Variants in SLC45A4 observed in about 807,000 individuals in gnomAD.
SLC45A4 encodes solute carrier family 45 member 4, also known as polyamine-transporter SLC45A4.
Under a neutral mutation model 63.7 loss-of-function variants are expected in SLC45A4, and 32 were observed. The ratio of observed to expected loss-of-function variants is 0.50; its 90% CI spans 0.38 to 0.67. The LOEUF is 0.67. Among genes scored for constraint, SLC45A4 ranks in the 30% least tolerant of loss-of-function variants. The pLI is 0.00. For missense variants in SLC45A4, 1,027 were observed against 1,157.7 expected, an observed-to-expected ratio of 0.89 and a Z score of 1.64; for synonymous variants, 535 against 510.0, an observed-to-expected ratio of 1.05 and a Z score of -0.66.
chr8:141,263,468 T>C (rs1202035373), intron 1 of SLC45A4, among the ~76,000 whole-genome samples: 11 of 151,884 alleles, frequency 7.2e-5, no homozygotes. Flanking sequence ...AGTGTTTACT[T>C]AGAAAATCAA....
chr8:141,243,803 G>T (rs1371432445), intron 2 of SLC45A4, among the ~76,000 whole-genome samples: 1 of 151,946 alleles, frequency 6.6e-6, no homozygotes, highest in Non-Finnish European at 1.5e-5. Flanking sequence ...AGGCCTTTAT[G>T]ACGGTCCACT....
At chr8:141,297,640 G>C (rs1449336135) in intron 1 of SLC45A4, among the ~76,000 whole-genome samples, 1 of 152,190 alleles carries the variant, frequency 6.6e-6, no homozygotes, top group African/African-American at 2.4e-5. Flanking sequence ...CGAACTGTCA[G>C]GAACCAACCC....
At chr8:141,249,557 C>T (rs557147658) in intron 2 of SLC45A4, among the ~76,000 whole-genome samples, 78 of 152,028 alleles carry the variant, frequency 5.1e-4, no homozygotes, top group Non-Finnish European at 5.9e-4. Context: ...CTGGGGGCAG[C>T]GGGGGCTGAT....
At chr8:141,268,064 C>T (rs763779596) in intron 1 of SLC45A4, among the ~76,000 whole-genome samples, 4 of 152,216 alleles carry the variant, frequency 2.6e-5, no homozygotes, top group Non-Finnish European at 5.9e-5. Flanking sequence ...GCAACCAAGA[C>T]GTCCTTGTGT....
intron 2 of SLC45A4, chr8:141,224,226 G>A (rs561724309): frequency 6.6e-6 from 1 of 152,062 alleles, no homozygotes; most frequent in Non-Finnish European, 1.5e-5. Context: ...TCCCATGAGT[G>A]TCCCCTTGTA....
At chr8:141,232,302 G>A (rs1219026842) in intron 2 of SLC45A4, among the ~76,000 whole-genome samples, 1 of 152,272 alleles carries the variant, frequency 6.6e-6, no homozygotes, top group Non-Finnish European at 1.5e-5. Flanking sequence ...TCCAAGGCTT[G>A]GACAAGATGA....
At chr8:141,305,303 C>T (rs1830864505) in intron 1 of SLC45A4, among the ~76,000 whole-genome samples, 1 of 152,192 alleles carries the variant, frequency 6.6e-6, no homozygotes, top group Admixed American at 6.5e-5. Context: ...CAGACGCCTG[C>T]TTTTGGGGTC....
intron 1 of SLC45A4, among the ~76,000 whole-genome samples, chr8:141,307,203 T>C (rs572571793): frequency 3.1e-4 from 47 of 152,002 alleles, no homozygotes; most frequent in Non-Finnish European, 5.9e-4. Flanking sequence ...AGTGCTCCAA[T>C]CCAGAGCAGG....
At chr8:141,272,964 AC>A (rs923523037) in intron 1 of SLC45A4, among the ~76,000 whole-genome samples, 5 of 152,206 alleles carry the variant, frequency 3.3e-5, no homozygotes, top group African/African-American at 1.2e-4. Context: ...TTGAAATAAG[AC>A]ACCTTTTTAA....
intron 1 of SLC45A4, among the ~76,000 whole-genome samples, chr8:141,297,737 T>C (rs1009507851): frequency 3.8e-4 from 58 of 152,208 alleles, no homozygotes; most frequent in African/African-American, 1.4e-3. Context: ...AATGGCAAAA[T>C]GCTTTCTTCT....
At position 141,256,934 on chromosome 8, in the gene SLC45A4, ACCTCCG is replaced by A. The variant is rs1238086221; in HGVS notation, c.-400-2311_-400-2306del. ...AGTGGTGTGATCTCGGCTCACTGCA[ACCTCCG>A]CCTCCCAGCTTCAAGCGATTCTCCC... is the stretch of plus-strand genomic sequence containing the variant. On this transcript the variant is annotated intron_variant, in intron 1 of 8. Transcript: ENST00000517878. The surrounding 1 kb of genome is among the most constrained non-coding windows in gnomAD (Gnocchi z 4.3). 1 of 232,536 alleles carries A rather than the reference ACCTCCG, an allele frequency of 4.3e-6. No individual in the cohort carries two copies. Among genetic ancestry groups the A allele is most frequent in the East Asian group, 1.2e-4 (1 of 8,624 alleles). 14.4% of individuals were successfully genotyped at this position (232,536 alleles called of 1,614,324 possible).
At chr8:141,260,795 T>C (rs1017126402) in intron 1 of SLC45A4, among the ~76,000 whole-genome samples, 1 of 152,042 alleles carries the variant, frequency 6.6e-6, no homozygotes, top group African/African-American at 2.4e-5. Flanking sequence ...CTACCAGAGG[T>C]ACAAGGAGGA....
intron 6 of SLC45A4, among the ~76,000 whole-genome samples, chr8:141,216,355 C>T (rs990240720): frequency 6.6e-6 from 1 of 152,220 alleles, no homozygotes; most frequent in African/African-American, 2.4e-5. Context: ...AGTCCTGCCT[C>T]GGGAACACAC....
intron 7 of SLC45A4, among the ~76,000 whole-genome samples, chr8:141,214,021 A>T (rs1825987806): frequency 6.6e-6 from 1 of 152,144 alleles, no homozygotes; most frequent in Admixed American, 6.5e-5. Flanking sequence ...AGCCTGGCCA[A>T]CATGGTGAAA....
intron 2 of SLC45A4, chr8:141,228,323 C>T (rs1827151439): frequency 6.2e-7 from 1 of 1,601,946 alleles, no homozygotes; most frequent in Non-Finnish European, 8.5e-7. Context: ...TCCCAGGGGG[C>T]CACTGTTTCT....
chr8:141,251,413 G>A (rs542910186), intron 2 of SLC45A4, among the ~76,000 whole-genome samples: 2 of 151,930 alleles, frequency 1.3e-5, no homozygotes, highest in South Asian at 2.1e-4. Flanking sequence ...TCTTTCCCTC[G>A]CTGGTCGGGT....
rs1158885306 is a variant in SLC45A4 at position 141,210,793 on chromosome 8, C to T, written c.*779G>A. 6.6e-6 allele frequency: 1 copy of T among 152,232 alleles called. No homozygotes were observed. The highest frequency in any genetic ancestry group is 1.5e-5 in the Non-Finnish European group (1 of 68,044). The allele number at this position is 152,232 out of a possible 1,614,324, so 9.4% of individuals were successfully genotyped here. ...ATTAATTACAATTGTCTGACTTTAT[C>T]TGTGTGATGTGCGGGGCCTCCCTGT... On this transcript the variant is annotated 3_prime_UTR_variant, in exon 9 of 9. Coordinates refer to ENST00000517878, the MANE Select transcript of SLC45A4 (RefSeq NM_001286646.2).
At chr8:141,258,984 G>A (rs1001186337) in intron 1 of SLC45A4, among the ~76,000 whole-genome samples, 14 of 151,950 alleles carry the variant, frequency 9.2e-5, no homozygotes, top group Admixed American at 8.5e-4. Flanking sequence ...GGGAGCAAAG[G>A]CCCTGTGTCC....
chr8:141,301,734 C>CAAAAAAAAAAAAA (rs564016568), intron 1 of SLC45A4, among the ~76,000 whole-genome samples: 420 of 39,564 alleles, frequency 0.011, 38 homozygotes, highest in Middle Eastern at 0.026. Context: ...GACCCTATCT[C>CAAAAAAAAAAAAA]AAAAAAAAAA....
Sources: gnomAD v4.1 joint callset for allele counts (sites outside exome capture counted in the v4.1 genomes callset) on GRCh38, gnomAD v4.1.1 for gene constraint, Gnocchi (gnomAD v3.1) non-coding constraint, MANE v1.5 for transcripts, NCBI Gene and HGNC (gene_info 2026-07-23, HGNC 2026-07-21) for gene names.